Variants in COMMD1 observed in about 807,000 individuals in gnomAD.
The protein encoded by COMMD1 is copper metabolism domain containing 1.
In COMMD1, 10 loss-of-function variants were observed where a neutral mutation model predicts 17.2. That is an observed-to-expected ratio of 0.58 (90% CI 0.36 to 0.99). The LOEUF (loss-of-function observed/expected upper bound fraction) is 0.99. Ranked by LOEUF, COMMD1 falls within the 50% of genes least tolerant of loss-of-function variation. The probability of loss-of-function intolerance (pLI) is 0.01; values close to 1 mark genes in which losing one functional copy is unlikely to be tolerated. For synonymous variants in COMMD1, 97 were observed against 91.6 expected (o/e 1.06, Z -0.34); for missense variants, 270 against 231.8 (o/e 1.17, Z -1.07).
chr2:61,914,879 A>G (rs1167204084), intron 1 of COMMD1, among the ~76,000 whole-genome samples: 1 of 151,448 alleles, frequency 6.6e-6, no homozygotes, highest in Non-Finnish European at 1.5e-5. Context: ...TTGTTGAGAC[A>G]GGGTTTCACC....
intron 1 of COMMD1, among the ~76,000 whole-genome samples, chr2:61,895,816 G>C (rs950220431): frequency 3.9e-5 from 6 of 152,166 alleles, no homozygotes; most frequent in Non-Finnish European, 7.3e-5. Flanking sequence ...ACCAGTCTGT[G>C]CATCTGGTAA....
At chr2:62,092,001 A>T (rs189457315) in intron 2 of COMMD1, among the ~76,000 whole-genome samples, 52 of 152,290 alleles carry the variant, frequency 3.4e-4, no homozygotes, top group Non-Finnish European at 6.8e-4. Flanking sequence ...TCTTCATTAC[A>T]TCCTGATCTG....
intron 2 of COMMD1, among the ~76,000 whole-genome samples, chr2:62,047,874 G>C (rs1670423369): frequency 6.6e-6 from 1 of 151,750 alleles, no homozygotes; most frequent in African/African-American, 2.4e-5. Flanking sequence ...ACTTACCATT[G>C]TGCTATAGTT....
intron 2 of COMMD1, among the ~76,000 whole-genome samples, chr2:62,032,104 T>C (rs1669923602): frequency 6.6e-6 from 1 of 152,248 alleles, no homozygotes; most frequent in African/African-American, 2.4e-5. Flanking sequence ...GTGTGTTATA[T>C]ATCTTGTACT....
intron 1 of COMMD1, among the ~76,000 whole-genome samples, chr2:61,996,314 A>ATATGTGTGTGTGTGTGTGTGTG (rs1491191568): frequency 7.0e-6 from 1 of 142,314 alleles, no homozygotes; most frequent in East Asian, 2.0e-4. Flanking sequence ...TGTTTTCTAA[A>ATATGTGTGTGTGTGTGTGTGTG]TGTGTGTGTG....
intron 2 of COMMD1, among the ~76,000 whole-genome samples, chr2:62,102,598 C>T (rs1396965021): frequency 6.6e-6 from 1 of 152,180 alleles, no homozygotes; most frequent in East Asian, 1.9e-4. Flanking sequence ...GCCCCCTGCT[C>T]TCCTGTCTCT....
At chr2:62,051,723 G>T (rs951163384) in intron 2 of COMMD1, among the ~76,000 whole-genome samples, 3 of 152,098 alleles carry the variant, frequency 2.0e-5, no homozygotes, top group Admixed American at 6.5e-5. Context: ...GGTTCCATTG[G>T]GACCTCCTGG....
In COMMD1 at chr2:61,905,939, C is replaced by T. The variant is rs527812334; in HGVS notation, c.180+81C>T. The T allele has an allele frequency of 1.1e-5, 16 of 1,398,778 alleles. No homozygotes were observed. In the South Asian group the frequency reaches 1.5e-4, roughly 13 times the overall value. The allele number at this position is 1,398,778 out of a possible 1,614,324, so 86.6% of individuals were successfully genotyped here. On this transcript the variant is annotated intron_variant, in intron 1 of 2. Transcript: ENST00000311832. ...TCAGACTCTCCCCCCCTTGCCTTCC[C>T]CTGTCCTCACAAGCCGAAAGGCTTT...
At chr2:62,059,295 C>T (rs953986830) in intron 2 of COMMD1, among the ~76,000 whole-genome samples, 6 of 151,900 alleles carry the variant, frequency 3.9e-5, no homozygotes, top group African/African-American at 1.2e-4. Context: ...GCTGGGACCA[C>T]AAGTGCAAGC....
At chr2:61,960,674 G>A (rs1671317692) in intron 1 of COMMD1, among the ~76,000 whole-genome samples, 1 of 152,272 alleles carries the variant, frequency 6.6e-6, no homozygotes, top group South Asian at 2.1e-4. Context: ...CTAACATCAT[G>A]TCTAGGGCTT....
At chr2:62,001,825 A>C (rs1196211485) in intron 2 of COMMD1, among the ~76,000 whole-genome samples, 2 of 152,096 alleles carry the variant, frequency 1.3e-5, no homozygotes, top group Admixed American at 1.3e-4. Flanking sequence ...CAGTGTTTGC[A>C]GTTCTGTACT....
At chr2:61,963,344 TAGCC>T (rs1671417794) in intron 1 of COMMD1, among the ~76,000 whole-genome samples, 1 of 152,010 alleles carries the variant, frequency 6.6e-6, no homozygotes, top group South Asian at 2.1e-4. Context: ...CCTGAATTTA[TAGCC>T]AGTTTTTTGT....
At chr2:62,109,391 T>C (rs1672394760) in intron 2 of COMMD1, among the ~76,000 whole-genome samples, 1 of 152,232 alleles carries the variant, frequency 6.6e-6, no homozygotes, top group Non-Finnish European at 1.5e-5. Context: ...CATTTTGGTC[T>C]TAAATGTAGC....
intron 2 of COMMD1, among the ~76,000 whole-genome samples, chr2:62,128,673 C>T (rs1235560545): frequency 6.6e-6 from 1 of 151,978 alleles, no homozygotes; most frequent in Non-Finnish European, 1.5e-5. Context: ...TATTTCAAGA[C>T]CAGGCACGGT....
rs561901515 is a variant in COMMD1 at position 61,952,052 on chromosome 2, A to G, written c.180+46194A>G. On this transcript the variant is annotated intron_variant, in intron 1 of 2. Coordinates refer to ENST00000311832, the MANE Select transcript of COMMD1 (RefSeq NM_152516.4). The stretch of plus-strand genomic sequence containing the variant: ...ATTTGCATATGTTTGTGAAACTGCC[A>G]TGGCAAAATTGTGACGGTAAAAGAA... Among the ~76,000 whole-genome samples, 12 of 152,352 alleles carry G rather than the reference A, an allele frequency of 7.9e-5. 3 individuals are homozygous for G. Among genetic ancestry groups the G allele is most frequent in the African/African-American group, 1.9e-4 (8 of 41,580 alleles).
chr2:62,049,862 C>A (rs561313237), intron 2 of COMMD1, among the ~76,000 whole-genome samples: 1 of 151,996 alleles, frequency 6.6e-6, no homozygotes, highest in Admixed American at 6.6e-5. Context: ...TGGAACTCTG[C>A]TTTTAAAAGA....
At chr2:61,997,130 G>A (rs1668787530) in intron 1 of COMMD1, among the ~76,000 whole-genome samples, 1 of 151,106 alleles carries the variant, frequency 6.6e-6, no homozygotes, top group South Asian at 2.1e-4. Context: ...TGCCATCTTG[G>A]CTTATGCAGC....
intron 1 of COMMD1, among the ~76,000 whole-genome samples, chr2:61,897,432 C>G (rs1425768533): frequency 2.6e-5 from 4 of 152,112 alleles, no homozygotes; most frequent in Non-Finnish European, 4.4e-5. Context: ...AGCCAAGAAC[C>G]CTAAGATGGG....
intron 1 of COMMD1, among the ~76,000 whole-genome samples, chr2:61,907,335 G>C (rs989101565): frequency 1.3e-5 from 2 of 152,194 alleles, no homozygotes; most frequent in African/African-American, 4.8e-5. Flanking sequence ...TTGATCTCCT[G>C]ACTTCGTTAT....
Sources: gnomAD v4.1 joint callset for allele counts (sites outside exome capture counted in the v4.1 genomes callset) on GRCh38, gnomAD v4.1.1 for gene constraint, MANE v1.5 for transcripts, NCBI Gene and HGNC (gene_info 2026-07-23, HGNC 2026-07-21) for gene names.